The following TPX2 variants were observed in gnomAD, a reference collection of about 807,000 sequenced individuals.
TPX2 encodes targeting protein for Xklp2.
A neutral mutation model predicts 93.6 loss-of-function variants in TPX2; 21 were observed. The observed-to-expected ratio is 0.22, with a 90% CI of 0.16 to 0.32. The LOEUF (loss-of-function observed/expected upper bound fraction) is 0.32. TPX2 is among the 10% of genes least tolerant of loss of function. The pLI, the probability that TPX2 is intolerant of heterozygous loss-of-function variation, is 1.00. For missense variants in TPX2, 776 were observed against 871.1 expected (o/e 0.89, Z 1.37); for synonymous variants, 281 against 298.3 (o/e 0.94, Z 0.60).
At chr20:31,799,095 C>T (rs1449220364) in intron 17 of TPX2, among the ~76,000 whole-genome samples, 1 of 152,134 alleles carries the variant, frequency 6.6e-6, no homozygotes, top group Non-Finnish European at 1.5e-5. Flanking sequence ...TAATACTGAG[C>T]CCAAACTCCT....
At chr20:31,745,447 A>G (rs946038073) in intron 2 of TPX2, among the ~76,000 whole-genome samples, 2 of 151,096 alleles carry the variant, frequency 1.3e-5, no homozygotes, top group African/African-American at 4.9e-5. Flanking sequence ...CTCCTGCCTC[A>G]GCCTCCCGAG....
intron 4 of TPX2, among the ~76,000 whole-genome samples, chr20:31,762,444 G>A (rs1208778095): frequency 2.0e-5 from 3 of 151,952 alleles, no homozygotes; most frequent in African/African-American, 7.3e-5. Flanking sequence ...CCGCCTCCCG[G>A]GTTCAAGTGA....
chr20:31,794,806 G>GCA (rs1428179107), intron 15 of TPX2, among the ~76,000 whole-genome samples: 5 of 149,630 alleles, frequency 3.3e-5, no homozygotes, highest in Non-Finnish European at 7.4e-5. Flanking sequence ...GTGTGTGTAC[G>GCA]CACACATTTT....
At chr20:31,795,819 A>G (rs944377840) in intron 15 of TPX2, among the ~76,000 whole-genome samples, 1 of 152,366 alleles carries the variant, frequency 6.6e-6, no homozygotes, top group East Asian at 1.9e-4. Context: ...TTTAATTGGG[A>G]TCTAATTCTA....
intron 17 of TPX2, 25 bp downstream of exon 17, chr20:31,798,577 G>A (rs375474715): frequency 2.7e-5 from 42 of 1,574,290 alleles, no homozygotes; most frequent in Admixed American, 3.9e-5. Flanking sequence ...GAGCACTGAC[G>A]AACACAAACA....
At chr20:31,758,347 T>C (rs569169217) in intron 3 of TPX2, among the ~76,000 whole-genome samples, 1 of 152,258 alleles carries the variant, frequency 6.6e-6, no homozygotes, top group Admixed American at 6.5e-5. Flanking sequence ...CTTGAACCCC[T>C]GACCTCAGGT....
Position 31,793,955 on chromosome 20 carries a change from G to C in TPX2, c.1617G>C (p.Ser539=), listed in dbSNP as rs1062794. 462,856 of 1,612,566 alleles carry C rather than the reference G, an allele frequency of 0.29. 75,145 individuals are homozygous for C. Among genetic ancestry groups the C allele is most frequent in the African/African-American group, 0.61 (45,289 of 74,846 alleles). Residue 539 remains serine, a synonymous_variant, in exon 14 of 18, where the codon TCG becomes TCC. Transcript: ENST00000300403. ...GAACTGTGGAAATATGCCCTTTCTC[G>C]TTTGATTCTCGAGACAAAGAACGTC... is the stretch of plus-strand genomic sequence containing the variant. The part of the protein sequence containing the change: ...EARTVEICPF[S]FDSRDKERQL...
intron 12 of TPX2, among the ~76,000 whole-genome samples, chr20:31,790,491 C>A (rs58310546): frequency 0.026 from 3,965 of 152,052 alleles, 139 homozygotes; most frequent in African/African-American, 0.08. Context: ...CTGAGTAGTC[C>A]AAGATAATAG....
At chr20:31,755,233 C>T (rs2061844399) in intron 2 of TPX2, among the ~76,000 whole-genome samples, 1 of 151,428 alleles carries the variant, frequency 6.6e-6, no homozygotes, top group Non-Finnish European at 1.5e-5. Flanking sequence ...CAGGCGTGAG[C>T]CACCGTGCCC....
chr20:31,740,662 G>A (rs966101963), intron 1 of TPX2, among the ~76,000 whole-genome samples: 1 of 152,196 alleles, frequency 6.6e-6, no homozygotes, highest in Non-Finnish European at 1.5e-5. Flanking sequence ...TTTGAAATTG[G>A]CAAGTGAGAA....
chr20:31,781,253 C>CTTTTTTTTTT (rs1007150417), intron 10 of TPX2, among the ~76,000 whole-genome samples: 8 of 116,768 alleles, frequency 6.9e-5, no homozygotes, highest in African/African-American at 2.9e-4. Flanking sequence ...GGCCTTATAT[C>CTTTTTTTTTT]TTTTTTTTTT....
chr20:31,763,724 T>A (rs930954537), intron 4 of TPX2, among the ~76,000 whole-genome samples: 24 of 148,102 alleles, frequency 1.6e-4, no homozygotes, highest in African/African-American at 4.7e-4. Context: ...AAATTTAATT[T>A]TTTTTTTTTT....
intron 6 of TPX2, among the ~76,000 whole-genome samples, chr20:31,771,012 T>C (rs989886176): frequency 2.0e-5 from 3 of 151,988 alleles, no homozygotes; most frequent in Admixed American, 6.6e-5. Context: ...CTCTAGGTGT[T>C]ATATTTATGT....
At chr20:31,742,352 AT>A (rs1472094176) in intron 1 of TPX2, among the ~76,000 whole-genome samples, 188 bp from the exon 2 acceptor site, 1 of 151,692 alleles carries the variant, frequency 6.6e-6, no homozygotes, top group East Asian at 2.0e-4. Flanking sequence ...TAATTTTTGT[AT>A]TTTTAGTAGA....
At chr20:31,797,961 C>T (rs1270902233) in intron 16 of TPX2, among the ~76,000 whole-genome samples, 1 of 152,094 alleles carries the variant, frequency 6.6e-6, no homozygotes, top group Non-Finnish European at 1.5e-5. Flanking sequence ...CTTTGGGAGG[C>T]CCGGACAGGA....
intron 11 of TPX2, 111 bp from the exon 12 acceptor site, chr20:31,783,594 A>G (rs2123060921): frequency 9.5e-7 from 1 of 1,051,758 alleles, no homozygotes; most frequent in Non-Finnish European, 1.4e-6. Context: ...TGTCCAGTCA[A>G]TGGGAGCATA....
chr20:31,782,553 A>G (rs145756448), intron 11 of TPX2, among the ~76,000 whole-genome samples, 163 bp downstream of exon 11: 5 of 152,260 alleles, frequency 3.3e-5, no homozygotes, highest in Non-Finnish European at 7.4e-5. Flanking sequence ...TTTAAGGACT[A>G]TAGTGGGAAT....
intron 7 of TPX2, 83 bp from the exon 8 acceptor site, chr20:31,775,784 A>G: frequency 7.6e-7 from 1 of 1,308,428 alleles, no homozygotes; most frequent in Non-Finnish European, 9.9e-7. Flanking sequence ...GGTTAAAAAT[A>G]TTATATAATG....
intron 17 of TPX2, among the ~76,000 whole-genome samples, chr20:31,800,643 G>T (rs1282517851): frequency 1.3e-5 from 2 of 152,154 alleles, no homozygotes; most frequent in Non-Finnish European, 2.9e-5. Context: ...TGCTATACTT[G>T]AGTACAGCCC....
Sources: allele counts gnomAD v4.1 joint callset (sites outside exome capture counted in the v4.1 genomes callset), GRCh38; gene constraint gnomAD v4.1.1; transcripts MANE v1.5; gene names NCBI Gene and HGNC (gene_info 2026-07-23, HGNC 2026-07-21).